FANCL: variants seen among roughly 807,000 people sequenced by gnomAD.
The protein encoded by FANCL is E3 ubiquitin-protein ligase FANCL.
In FANCL, 69 loss-of-function variants were observed where a neutral mutation model predicts 59.4. The ratio of observed to expected loss-of-function variants is 1.16; its 90% CI spans 0.96 to 1.42. FANCL has a LOEUF of 1.42. Among genes scored for constraint, FANCL ranks in the 40% most tolerant of loss-of-function variants. The pLI, the probability that FANCL is intolerant of heterozygous loss-of-function variation, is 0.00. For missense variants in FANCL, 519 were observed against 447.2 expected, an observed-to-expected ratio of 1.16 and a Z score of -1.45; for synonymous variants, 180 against 147.1, an observed-to-expected ratio of 1.22 and a Z score of -1.62.
chr2:58,172,045 G>T (rs1376737463), intron 7 of FANCL, among the ~76,000 whole-genome samples: 2 of 152,230 alleles, frequency 1.3e-5, no homozygotes, highest in African/African-American at 4.8e-5. Context: ...CGAGGCTGGG[G>T]GAGGGGCGCC....
intron 7 of FANCL, among the ~76,000 whole-genome samples, chr2:58,166,608 A>G (rs1487162976): frequency 6.6e-6 from 1 of 152,252 alleles, no homozygotes; most frequent in African/African-American, 2.4e-5. Flanking sequence ...AAAAGATACA[A>G]CTGCTTACTA....
chr2:58,200,320 G>A (rs1381544985), intron 6 of FANCL, among the ~76,000 whole-genome samples: 1 of 152,006 alleles, frequency 6.6e-6, no homozygotes, highest in Non-Finnish European at 1.5e-5. Flanking sequence ...TAAGTTGTAT[G>A]ATCCTGAACA....
At chr2:58,162,791 A>G (rs1446340136) in intron 11 of FANCL, 75 bp downstream of exon 11, 4 of 1,310,906 alleles carry the variant, frequency 3.1e-6, no homozygotes, top group South Asian at 2.4e-5. Context: ...TTTCAGCCTC[A>G]TTTTTCACTG....
intron 6 of FANCL, among the ~76,000 whole-genome samples, chr2:58,203,587 T>C (rs930861098): frequency 6.6e-6 from 1 of 152,036 alleles, no homozygotes; most frequent in African/African-American, 2.4e-5. Flanking sequence ...TTTGTGATTA[T>C]AGATCACTAT....
intron 7 of FANCL, among the ~76,000 whole-genome samples, chr2:58,173,701 A>G (rs1182314730): frequency 1.3e-5 from 2 of 152,178 alleles, no homozygotes; most frequent in African/African-American, 4.8e-5. Flanking sequence ...TGTAAAGACC[A>G]TCGAGGCTAG....
At chr2:58,159,829 G>A (rs1402182704) in intron 13 of FANCL, 29 bp from the exon 14 acceptor site, 1 of 1,610,578 alleles carries the variant, frequency 6.2e-7, no homozygotes, top group Non-Finnish European at 8.5e-7. Context: ...TTTTAACAAA[G>A]TTTGTGGACA....
rs1204245665 is a variant in FANCL, at chr2:58,165,755, TG to T, written c.659del (p.Pro220HisfsTer11). On this transcript the variant is annotated frameshift_variant, in exon 8 of 14. Transcript: ENST00000233741. LOFTEE classifies it high-confidence loss of function. The part of the protein sequence containing the change: ...KTWVLEPEKP[P>X]RSATARRIAL... ...CAATTCTGCGTGCTGTTGCACTCCG[TG>T]GAGGTTTTTCTGGCTCAAGTACCCA... The T allele has an allele frequency of 1.2e-5, 19 of 1,614,106 alleles. No individual in the cohort carries two copies. The highest frequency in any genetic ancestry group is 1.6e-5 in the Non-Finnish European group (19 of 1,179,970).
chr2:58,165,737 G>A lies in FANCL; in HGVS notation c.678C>T (p.Arg226=), dbSNP rs1685870158. ...CCTTGTCCCTACCTAATGCAATTCT[G>A]CGTGCTGTTGCACTCCGTGGAGGTT... ...PEKPPRSATA[R]RIALGNNVSI... The change falls in exon 8 of 14, where the codon CGC becomes CGT. Residue 226 remains arginine (R), a synonymous_variant. Coordinates refer to ENST00000233741, the MANE Select transcript of FANCL (RefSeq NM_018062.4). The A allele has an allele frequency of 6.2e-7, 1 of 1,614,024 alleles. No individual in the cohort carries two copies. Among genetic ancestry groups the A allele is most frequent in the Non-Finnish European group, 8.5e-7 (1 of 1,179,958 alleles).
Position 58,163,403 on chromosome 2 carries a change from T to C in FANCL, c.775+31A>G, listed in dbSNP as rs10445895. ...GCTAGGCAAGGATTTTATGACTCTA[T>C]TAAAAAACGTTTAAATCTCAGATGT... is the stretch of plus-strand genomic sequence containing the variant. On this transcript the variant is annotated intron_variant, in intron 9 of 13. Transcript: ENST00000233741. 120,001 of 1,429,040 alleles carry C rather than the reference T, an allele frequency of 0.084. 5,646 individuals are homozygous for C. The highest frequency in any genetic ancestry group is 0.096 in the Non-Finnish European group (97,415 of 1,012,508). The allele number at this position is 1,429,040 out of a possible 1,614,324, so 88.5% of individuals were successfully genotyped here.
chr2:58,228,376 T>G (rs1693241177), intron 3 of FANCL, among the ~76,000 whole-genome samples: 1 of 152,238 alleles, frequency 6.6e-6, no homozygotes, highest in Admixed American at 6.5e-5. Context: ...AGTGGGTCTG[T>G]GTAGAGCAAA....
intron 7 of FANCL, among the ~76,000 whole-genome samples, chr2:58,173,704 G>A (rs1299063518): frequency 3.3e-5 from 5 of 152,182 alleles, no homozygotes; most frequent in East Asian, 1.9e-4. Flanking sequence ...AAAGACCATC[G>A]AGGCTAGGAA....
chr2:58,238,884 GA>G (rs1258500387), intron 1 of FANCL, among the ~76,000 whole-genome samples: 3 of 152,072 alleles, frequency 2.0e-5, no homozygotes. Context: ...CTGATGAGAG[GA>G]AATGCAAAGC....
chr2:58,185,776 A>G (rs1688339977), intron 7 of FANCL, among the ~76,000 whole-genome samples: 2 of 152,192 alleles, frequency 1.3e-5, no homozygotes, highest in South Asian at 2.1e-4. Context: ...AAGAAGCACA[A>G]GTTAAGGAAT....
At chr2:58,189,087 G>A (rs1055833316) in intron 7 of FANCL, among the ~76,000 whole-genome samples, 3 of 152,110 alleles carry the variant, frequency 2.0e-5, no homozygotes, top group African/African-American at 4.8e-5. Context: ...GTTGCCTGAG[G>A]CCCTGGTGGA....
rs368900762 is a variant in FANCL at position 58,165,804 on chromosome 2, A to C, written c.611T>G (p.Met204Arg). The C allele has an allele frequency of 1.2e-6, 2 of 1,614,186 alleles. No homozygotes were observed. The highest frequency in any genetic ancestry group is 2.2e-5 in the South Asian group (2 of 91,082). Reference protein sequence around the residue: ...IESLKAFWDVMDEIDEKTWVL... With the variant: ...IESLKAFWDVRDEIDEKTWVL... Reference sequence around the variant, plus strand: ...CCAGGTCTTCTCATCGATTTCATCCATAACATCCCAGAATGCCTTTAGTGA... The same window carrying C: ...CCAGGTCTTCTCATCGATTTCATCCCTAACATCCCAGAATGCCTTTAGTGA... Residue 204 changes from methionine (M) to arginine (R), a missense_variant, in exon 8 of 14, where the codon ATG becomes AGG. Met to Arg is a moderately conservative substitution (Grantham distance 91). Transcript: ENST00000233741.
intron 7 of FANCL, among the ~76,000 whole-genome samples, chr2:58,189,457 C>T (rs1254657795): frequency 6.6e-6 from 1 of 151,922 alleles, no homozygotes; most frequent in Non-Finnish European, 1.5e-5. Context: ...ACACCCAACA[C>T]TTAAAAGAAT....
intron 7 of FANCL, among the ~76,000 whole-genome samples, chr2:58,173,539 C>G (rs575579370): frequency 6.6e-6 from 1 of 152,104 alleles, no homozygotes; most frequent in Non-Finnish European, 1.5e-5. Context: ...CCAAACTAAG[C>G]TTCATAAGTG....
chr2:58,211,067 T>C (rs889840222), intron 5 of FANCL, among the ~76,000 whole-genome samples: 2 of 152,170 alleles, frequency 1.3e-5, no homozygotes, highest in Non-Finnish European at 2.9e-5. Flanking sequence ...GGTGCCTCAG[T>C]AGGGACTCTG....
chr2:58,212,107 T>C lies in FANCL; in HGVS notation c.375-7881A>G, dbSNP rs141446906. 3.5e-3 allele frequency among the ~76,000 whole-genome samples: 538 copies of C among 152,294 alleles called. 8 individuals carry two copies. The highest frequency in any genetic ancestry group is 0.012 in the African/African-American group (507 of 41,560). On this transcript the variant is annotated intron_variant, in intron 5 of 13. Transcript: ENST00000233741. Reference sequence around the variant, plus strand: ...GCTGCTGATAAAGACATACCCAAGATTGGGCAATTTACAAAAGAAAGAGGT... The same window carrying C: ...GCTGCTGATAAAGACATACCCAAGACTGGGCAATTTACAAAAGAAAGAGGT...
Sources: gnomAD v4.1 joint callset for allele counts (sites outside exome capture counted in the v4.1 genomes callset) on GRCh38, gnomAD v4.1.1 for gene constraint, MANE v1.5 for transcripts, NCBI Gene and HGNC (gene_info 2026-07-23, HGNC 2026-07-21) for gene names.